The following CD59 variants were observed in gnomAD, a reference collection of about 807,000 sequenced individuals.
The protein encoded by CD59 is CD59 molecule (CD59 blood group).
CD59 carries 3 observed loss-of-function variants against 7.0 expected under a neutral mutation model. The observed-to-expected ratio is 0.43, with a 90% CI of 0.19 to 1.10. The LOEUF is 1.10. Ranked by LOEUF, CD59 falls within the 50% of genes least tolerant of loss-of-function variation. CD59 has a pLI of 0.29. For synonymous variants in CD59, 60 were observed against 62.0 expected (o/e 0.97, Z 0.15); for missense variants, 143 against 151.0 (o/e 0.95, Z 0.28).
chr11:33,734,008 G>A (rs1215542709), intron 1 of CD59, among the ~76,000 whole-genome samples: 4 of 152,206 alleles, frequency 2.6e-5, no homozygotes, highest in Non-Finnish European at 5.9e-5. Flanking sequence ...CATGTTAGTC[G>A]CAAAACCACC....
At position 33,721,809 on chromosome 11, in the gene CD59, G is replaced by A. The variant is rs539639733; in HGVS notation, c.67+570C>T. 4.6e-5 allele frequency among the ~76,000 whole-genome samples: 7 copies of A among 152,320 alleles called. No individual in the cohort carries two copies. In the East Asian group the frequency reaches 1.4e-3, roughly 29 times the overall value. Reference sequence around the variant, plus strand: ...TTTGACAAGTTATTAATTTTGGGGAGGCCTCAATCTTGTTGCTTGTAAAAC... The same window carrying A: ...TTTGACAAGTTATTAATTTTGGGGAAGCCTCAATCTTGTTGCTTGTAAAAC... On this transcript the variant is annotated intron_variant, in intron 2 of 3. Transcript: ENST00000642928.
chr11:33,731,284 CA>C (rs981629837), intron 1 of CD59: 1 of 150,120 alleles, frequency 6.7e-6, no homozygotes, highest in Non-Finnish European at 1.5e-5. Flanking sequence ...CACACATATA[CA>C]TACATTATAT....
intron 3 of CD59, among the ~76,000 whole-genome samples, chr11:33,714,346 C>T (rs899939404): frequency 1.3e-5 from 2 of 152,062 alleles, no homozygotes. Context: ...TGTATCTGAC[C>T]ATATCTAAAC....
chr11:33,728,415 C>G (rs1854319619), intron 1 of CD59, among the ~76,000 whole-genome samples: 1 of 152,110 alleles, frequency 6.6e-6, no homozygotes, highest in Non-Finnish European at 1.5e-5. Context: ...AAACAAGCTA[C>G]AGGGAAAGGA....
intron 3 of CD59, among the ~76,000 whole-genome samples, chr11:33,711,052 T>TGGGG (rs34248445): frequency 7.6e-6 from 1 of 132,378 alleles, no homozygotes; most frequent in African/African-American, 2.7e-5. Context: ...AAAATAAAGG[T>TGGGG]GGGGGGGGGG....
At position 33,708,111 on chromosome 11, in the gene CD59, T is replaced by G. The variant is rs1287369045; in HGVS notation, c.*2015A>C. On this transcript the variant is annotated 3_prime_UTR_variant, in exon 4 of 4. Transcript: ENST00000642928. ...AGGGCCTGGAGTACCTGGGGTGCTG[T>G]TTGCCTAGTACTATAAATGTCTTTA... 1 of 152,204 alleles carries G rather than the reference T, an allele frequency of 6.6e-6. No individual in the cohort carries two copies. The highest frequency in any genetic ancestry group is 1.5e-5 in the Non-Finnish European group (1 of 68,040). The allele number at this position is 152,204 out of a possible 1,614,324, so 9.4% of individuals were successfully genotyped here. A position where few individuals can be genotyped will look rare whatever the true frequency, so the allele number is the denominator to read the frequency against.
intron 1 of CD59, among the ~76,000 whole-genome samples, chr11:33,728,575 A>G (rs1854325237): frequency 1.3e-5 from 2 of 152,234 alleles, no homozygotes. Context: ...ACCCTAGAAG[A>G]AAACCTAGGC....
rs767236622 is a variant in CD59, at chr11:33,710,388, T to C, written c.170-45A>G. ...AGGGTAAGAAAGTAAGTGGGAAGAG[T>C]TCTGTATCTGCTTTTGAATCCTCAA... On this transcript the variant is annotated intron_variant, in intron 3 of 3. Coordinates refer to ENST00000642928, the MANE Select transcript of CD59 (RefSeq NM_000611.6). The C allele has an allele frequency of 2.8e-6, 4 of 1,436,000 alleles. No homozygotes were observed. The East Asian group carries it at 9.1e-5, about 33-fold the overall frequency. 89.0% of individuals were successfully genotyped at this position (1,436,000 alleles called of 1,614,324 possible).
intron 1 of CD59, among the ~76,000 whole-genome samples, chr11:33,729,907 A>T (rs1008350828): frequency 8.5e-5 from 13 of 152,156 alleles, no homozygotes; most frequent in Admixed American, 6.5e-5. Context: ...CCCTTGAACA[A>T]CACAGGTTTG....
At position 33,722,399 on chromosome 11, in the gene CD59, A is replaced by G. The variant is rs1229617535; in HGVS notation, c.47T>C (p.Leu16Pro). 1 of 1,613,962 alleles carries G rather than the reference A, an allele frequency of 6.2e-7. No individual in the cohort carries two copies. The highest frequency in any genetic ancestry group is 1.7e-5 in the Admixed American group (1 of 60,030). ...GSVLFGLLLV[L>P]AVFCHSGHSL... The stretch of plus-strand genomic sequence containing the variant: ...CTCACCTGAATGGCAGAAGACAGCC[A>G]GGACGAGCAGCAGCCCGAACAGGAC... The change falls in exon 2 of 4, where the codon CTG becomes CCG. Residue 16 changes from leucine (L) to proline (P), a missense_variant. Transcript: ENST00000642928.
chr11:33,712,272 C>T (rs1198857235), intron 3 of CD59, among the ~76,000 whole-genome samples: 1 of 152,202 alleles, frequency 6.6e-6, no homozygotes, highest in Admixed American at 6.5e-5. Context: ...GATGTATACA[C>T]TCCAAGTATC....
chr11:33,722,567 T>C, intron 1 of CD59, 104 bp from the exon 2 acceptor site: 2 of 1,541,040 alleles, frequency 1.3e-6, no homozygotes, highest in Non-Finnish European at 1.8e-6. Flanking sequence ...AGAGGAACAT[T>C]TACAGGGGGA....
At chr11:33,723,501 A>G (rs999314210) in intron 1 of CD59, among the ~76,000 whole-genome samples, 1 of 152,314 alleles carries the variant, frequency 6.6e-6, no homozygotes, top group Non-Finnish European at 1.5e-5. Context: ...AAAGAAAACA[A>G]TCAGTGAGTC....
At position 33,736,191 on chromosome 11, in the gene CD59, C is replaced by T. The variant is rs1854569928; in HGVS notation, c.-19+191G>A. Among the ~76,000 whole-genome samples the T allele has an allele frequency of 6.6e-6, 1 of 152,130 alleles. No homozygotes were observed. The highest frequency in any genetic ancestry group is 1.5e-5 in the Non-Finnish European group (1 of 68,016). On this transcript the variant is annotated intron_variant, in intron 1 of 3. Coordinates refer to ENST00000642928, the MANE Select transcript of CD59 (RefSeq NM_000611.6). The surrounding 1 kb of genome is among the most constrained non-coding windows in gnomAD (Gnocchi z 4.4). ...TCCTTCCTCGTAGATAAAATGAAGC[C>T]AGCGTTCGGCTAGGACACCGGGCCG...
At chr11:33,720,677 C>T (rs977665014) in intron 2 of CD59, among the ~76,000 whole-genome samples, 4 of 152,160 alleles carry the variant, frequency 2.6e-5, no homozygotes, top group Non-Finnish European at 4.4e-5. Flanking sequence ...TGCAGTGAGC[C>T]GAGATCGCGC....
At chr11:33,722,854 G>T (rs777422152) in intron 1 of CD59, 30 of 931,100 alleles carry the variant, frequency 3.2e-5, no homozygotes, top group Admixed American at 4.0e-5. Flanking sequence ...AGACCAAAGG[G>T]GTGACTCTGG....
intron 3 of CD59, among the ~76,000 whole-genome samples, chr11:33,714,438 T>C (rs898354362): frequency 6.6e-6 from 1 of 152,200 alleles, no homozygotes; most frequent in African/African-American, 2.4e-5. Context: ...GAATGGAGCT[T>C]GTGAGATTGG....
rs181024434 is a variant in CD59, at chr11:33,726,208, C to A, written c.-18-3745G>T. 3.9e-5 allele frequency among the ~76,000 whole-genome samples: 6 copies of A among 152,274 alleles called. No individual in the cohort carries two copies. The East Asian group carries it at 1.2e-3, about 29-fold the overall frequency. Reference sequence around the variant, plus strand: ...ACAGACATCTACAGAACTCTCCATCCCAAATCAACAGAATATACATTCTTC... The same window carrying A: ...ACAGACATCTACAGAACTCTCCATCACAAATCAACAGAATATACATTCTTC... On this transcript the variant is annotated intron_variant, in intron 1 of 3. Coordinates refer to ENST00000642928, the MANE Select transcript of CD59 (RefSeq NM_000611.6).
rs192089663 is a variant in CD59, at chr11:33,722,607, C to G, written c.-18-144G>C. 104 of 1,512,562 alleles carry G rather than the reference C, an allele frequency of 6.9e-5. No individual in the cohort carries two copies. In the East Asian group the frequency reaches 1.3e-3, roughly 19 times the overall value. 93.7% of individuals were successfully genotyped at this position (1,512,562 alleles called of 1,614,324 possible). ...AGGCACACTGAATCCCTGGGCCATGCCCCAGCTCTGACCCACAGCACCATA... is the reference window on the plus strand; with the variant it reads ...AGGCACACTGAATCCCTGGGCCATGGCCCAGCTCTGACCCACAGCACCATA... On this transcript the variant is annotated intron_variant, in intron 1 of 3. Transcript: ENST00000642928.
Sources: gnomAD v4.1 joint callset for allele counts (sites outside exome capture counted in the v4.1 genomes callset) on GRCh38, gnomAD v4.1.1 for gene constraint, Gnocchi (gnomAD v3.1) non-coding constraint, MANE v1.5 for transcripts, NCBI Gene and HGNC (gene_info 2026-07-23, HGNC 2026-07-21) for gene names.